KCNJ8: variants seen among roughly 807,000 people sequenced by gnomAD.
KCNJ8 encodes potassium inwardly rectifying channel subfamily J member 8.
In KCNJ8, 13 loss-of-function variants were observed where a neutral mutation model predicts 28.2. The ratio of observed to expected loss-of-function variants is 0.46; its 90% CI spans 0.30 to 0.73. The LOEUF (loss-of-function observed/expected upper bound fraction) is 0.73. Among genes scored for constraint, KCNJ8 ranks in the 30% least tolerant of loss-of-function variants. KCNJ8 has a pLI of 0.07. For synonymous variants in KCNJ8, 188 were observed against 195.9 expected, an observed-to-expected ratio of 0.96 and a Z score of 0.34; for missense variants, 284 against 542.6, an observed-to-expected ratio of 0.52 and a Z score of 4.73.
In KCNJ8 at chr12:21,765,333, G is replaced by A. The variant is rs1442523135; in HGVS notation, c.*390C>T. ...CTCCTATTCTATTTGCATTTCCAGA[G>A]TGATCATTAGTAACACAGCGATCTG... On this transcript the variant is annotated 3_prime_UTR_variant, in exon 3 of 3. Coordinates refer to ENST00000240662, the MANE Select transcript of KCNJ8 (RefSeq NM_004982.4). The A allele has an allele frequency of 3.2e-6, 1 of 310,552 alleles. No individual in the cohort carries two copies. Among genetic ancestry groups the A allele is most frequent in the Non-Finnish European group, 6.2e-6 (1 of 162,102 alleles). The allele number at this position is 310,552 out of a possible 1,614,324, so 19.2% of individuals were successfully genotyped here.
intron 2 of KCNJ8, among the ~76,000 whole-genome samples, chr12:21,770,301 A>G (rs962794073): frequency 6.6e-6 from 1 of 152,108 alleles, no homozygotes; most frequent in Non-Finnish European, 1.5e-5. Flanking sequence ...TTGAATTGAG[A>G]TATGTATATT....
Position 21,766,382 on chromosome 12 carries a change from G to A in KCNJ8, c.616C>T (p.Leu206=). ...TCACCCACTCGGAACATGAAGCACAGCTTGCCATTTCGGACGGCAATCACA... is the reference window on the plus strand; with the variant it reads ...TCACCCACTCGGAACATGAAGCACAACTTGCCATTTCGGACGGCAATCACA... ...HAVIAVRNGK[L]CFMFRVGDLR... is the part of the protein sequence containing the mutation. Residue 206 remains leucine (L), a synonymous_variant, in exon 3 of 3, where the codon CTG becomes TTG. Transcript: ENST00000240662. This position sits in a 1 kb window ranked among gnomAD's most constrained non-coding sequence, Gnocchi z 6.5. 1.9e-6 allele frequency: 3 copies of A among 1,614,174 alleles called. No individual in the cohort carries two copies. The highest frequency in any genetic ancestry group is 2.5e-6 in the Non-Finnish European group (3 of 1,180,040).
At position 21,765,901 on chromosome 12, in the gene KCNJ8, A is replaced by G; in HGVS notation, c.1097T>C (p.Ile366Thr). The change falls in exon 3 of 3, where the codon ATT becomes ACT. Residue 366 changes from isoleucine to threonine, a missense_variant. Physicochemically the swap from Ile to Thr is moderately conservative, Grantham distance 89 (BLOSUM62 -1). Around this residue, in one of 8 missense-constraint regions of KCNJ8, gnomAD observed 107 missense variants for 235.6 expected, o/e 0.45. Transcript: ENST00000240662. ...RELDEKPSIL[I>T]QTLQKSELSH... Reference sequence around the variant, plus strand: ...CAGTTCACTCTTTTGGAGGGTCTGAATAAGGATGGAAGGTTTCTCATCCAG... The same window carrying G: ...CAGTTCACTCTTTTGGAGGGTCTGAGTAAGGATGGAAGGTTTCTCATCCAG... 6.2e-7 allele frequency: 1 copy of G among 1,614,230 alleles called. No individual in the cohort carries two copies. Among genetic ancestry groups the G allele is most frequent in the Non-Finnish European group, 8.5e-7 (1 of 1,180,036 alleles).
At chr12:21,770,475 T>C (rs1940732820) in intron 2 of KCNJ8, among the ~76,000 whole-genome samples, 1 of 152,222 alleles carries the variant, frequency 6.6e-6, no homozygotes, top group Non-Finnish European at 1.5e-5. Context: ...ATACCTGTAA[T>C]TAATATTATA....
intron 2 of KCNJ8, among the ~76,000 whole-genome samples, chr12:21,767,149 T>A (rs1940643884): frequency 6.6e-6 from 1 of 152,210 alleles, no homozygotes; most frequent in Non-Finnish European, 1.5e-5. Context: ...TAGCTAATAC[T>A]TATTTTGTGT....
At position 21,773,751 on chromosome 12, in the gene KCNJ8, G is replaced by C. The variant is rs1394676873; in HGVS notation, c.-70-65C>G. The C allele has an allele frequency of 3.3e-6, 4 of 1,217,072 alleles. No individual in the cohort carries two copies. The East Asian group carries it at 9.3e-5, about 28-fold the overall frequency. 75.4% of individuals were successfully genotyped at this position (1,217,072 alleles called of 1,614,324 possible). ...CCCTATCCTCACCTCTTGGGTCCTT[G>C]TATTCAAGGATATGTCTGTACATGT... On this transcript the variant is annotated intron_variant, in intron 1 of 2. Coordinates refer to ENST00000240662, the MANE Select transcript of KCNJ8 (RefSeq NM_004982.4). The surrounding 1 kb of genome is among the most constrained non-coding windows in gnomAD (Gnocchi z 4.6).
chr12:21,765,799 C>G lies in KCNJ8; in HGVS notation c.1199G>C (p.Arg400Thr). Residue 400 changes from arginine (R) to threonine (T), a missense_variant, in exon 3 of 3, where the codon AGG (arginine) becomes ACG (threonine). Around this residue, in one of 8 missense-constraint regions of KCNJ8, gnomAD observed 50 missense variants for 55.9 expected, o/e 0.90. Coordinates refer to ENST00000240662, the MANE Select transcript of KCNJ8 (RefSeq NM_004982.4). ...NSMRRNNSIRRNNSSLMVPKV... is the reference protein window; with the variant it reads ...NSMRRNNSIRTNNSSLMVPKV... ...TGGTACCATGAGGGAAGAATTGTTC[C>G]TTCGGATAGAATTGTTCCTCCTCAT... The G allele has an allele frequency of 6.2e-7, 1 of 1,614,104 alleles. No individual in the cohort carries two copies. Among genetic ancestry groups the G allele is most frequent in the East Asian group, 2.2e-5 (1 of 44,880 alleles).
At chr12:21,768,867 A>G (rs1565660267) in intron 2 of KCNJ8, among the ~76,000 whole-genome samples, 1 of 152,228 alleles carries the variant, frequency 6.6e-6, no homozygotes, top group South Asian at 2.1e-4. Context: ...GCTGCAAAAG[A>G]AAAGTTTAAA....
chr12:21,770,337 T>A (rs1373919974), intron 2 of KCNJ8, among the ~76,000 whole-genome samples: 1 of 152,192 alleles, frequency 6.6e-6, no homozygotes, highest in African/African-American at 2.4e-5. Flanking sequence ...TATTACACAC[T>A]TACTAGATTA....
rs1482460942 is a variant in KCNJ8 at position 21,773,581 on chromosome 12, A to G, written c.36T>C (p.Tyr12=). 5.0e-6 allele frequency: 8 copies of G among 1,613,916 alleles called. No individual in the cohort carries two copies. The highest frequency in any genetic ancestry group is 6.8e-6 in the Non-Finnish European group (8 of 1,180,040). The change falls in exon 2 of 3, where the codon TAT becomes TAC. Residue 12 remains tyrosine, a synonymous_variant. Transcript: ENST00000240662. This position sits in a 1 kb window ranked among gnomAD's most constrained non-coding sequence, Gnocchi z 4.6. ...LARKSIIPEE[Y]VLARIAAENL... is the part of the protein sequence containing the mutation. ...TCTCTGCGGCGATGCGCGCCAGCAC[A>G]TACTCCTCCGGGATGATACTCTTTC...
rs1940637564 is a variant in KCNJ8, at chr12:21,766,891, A to T, written c.375-268T>A. Among the ~76,000 whole-genome samples, 1 of 152,194 alleles carries T rather than the reference A, an allele frequency of 6.6e-6. No homozygotes were observed. The highest frequency in any genetic ancestry group is 2.4e-5 in the African/African-American group (1 of 41,464). Reference sequence around the variant, plus strand: ...TAAGGCCTAATTCTATTAACATTCTATTAATGTTTCATAGGTCACATAGTG... The same window carrying T: ...TAAGGCCTAATTCTATTAACATTCTTTTAATGTTTCATAGGTCACATAGTG... On this transcript the variant is annotated intron_variant, in intron 2 of 2. Transcript: ENST00000240662. The surrounding 1 kb of genome is among the most constrained non-coding windows in gnomAD (Gnocchi z 6.5).
Position 21,773,551 on chromosome 12 carries a change from C to A in KCNJ8, c.66G>T (p.Leu22=), listed in dbSNP as rs770628869. The change falls in exon 2 of 3, where the codon CTG becomes CTT. Residue 22 remains leucine, a synonymous_variant. Transcript: ENST00000240662. This position sits in a 1 kb window ranked among gnomAD's most constrained non-coding sequence, Gnocchi z 4.6. ...YVLARIAAEN[L]RKPRIRDRLP... ...GGCGGTCTCGGATGCGCGGCTTGCG[C>A]AGGTTCTCTGCGGCGATGCGCGCCA... 5.6e-6 allele frequency: 9 copies of A among 1,614,096 alleles called. No individual in the cohort carries two copies. The East Asian group carries it at 2.0e-4, about 36-fold the overall frequency.
chr12:21,771,174 A>G (rs956788794), intron 2 of KCNJ8, among the ~76,000 whole-genome samples: 1 of 152,222 alleles, frequency 6.6e-6, no homozygotes, highest in African/African-American at 2.4e-5. Flanking sequence ...CTGATTTCTG[A>G]TAATGTATCC....
In KCNJ8 at chr12:21,769,538, TCA is replaced by T. The variant is rs1214939581; in HGVS notation, c.375-2917_375-2916del. 2.6e-3 allele frequency among the ~76,000 whole-genome samples: 401 copies of T among 152,268 alleles called. 2 individuals carry two copies. Among genetic ancestry groups the T allele is most frequent in the African/African-American group, 8.9e-3 (368 of 41,552 alleles). ...GCCTATTACTTAAGAAATTTACATTTCATAAGGCTATTGCTGACATAGATAGT... is the reference window on the plus strand; with the variant it reads ...GCCTATTACTTAAGAAATTTACATTTTAAGGCTATTGCTGACATAGATAGT... On this transcript the variant is annotated intron_variant, in intron 2 of 2. Coordinates refer to ENST00000240662, the MANE Select transcript of KCNJ8 (RefSeq NM_004982.4).
chr12:21,765,418 G>T lies in KCNJ8; in HGVS notation c.*305C>A, dbSNP rs1244564961. ...TTCTTGACCAAATTTTGTGCTCAAG[G>T]CCTGTTACTATTAGTGTAATTCTTG... On this transcript the variant is annotated 3_prime_UTR_variant, in exon 3 of 3. Transcript: ENST00000240662. 7.1e-6 allele frequency: 3 copies of T among 421,356 alleles called. No individual in the cohort carries two copies. The highest frequency in any genetic ancestry group is 2.3e-5 in the South Asian group (1 of 42,836). 26.1% of individuals were successfully genotyped at this position (421,356 alleles called of 1,614,324 possible).
In KCNJ8 at chr12:21,765,797, T is replaced by G; in HGVS notation, c.1201A>C (p.Asn401His). Residue 401 changes from asparagine (N) to histidine (H), a missense_variant, in exon 3 of 3, where the codon AAC (asparagine) becomes CAC (histidine). By Grantham distance (68) the Asn-to-His change is moderately conservative. This residue lies in a region of KCNJ8 where 50 missense variants were observed against 55.9 expected (regional missense o/e 0.90). Coordinates refer to ENST00000240662, the MANE Select transcript of KCNJ8 (RefSeq NM_004982.4). ...TTTGGTACCATGAGGGAAGAATTGT[T>G]CCTTCGGATAGAATTGTTCCTCCTC... is the stretch of plus-strand genomic sequence containing the variant. ...SMRRNNSIRR[N>H]NSSLMVPKVQ... 1.2e-6 allele frequency: 2 copies of G among 1,614,124 alleles called. No individual in the cohort carries two copies. Among genetic ancestry groups the G allele is most frequent in the African/African-American group, 2.7e-5 (2 of 75,068 alleles).
At chr12:21,774,235 T>C (rs1940833974) in intron 1 of KCNJ8, among the ~76,000 whole-genome samples, 1 of 152,102 alleles carries the variant, frequency 6.6e-6, no homozygotes, top group South Asian at 2.1e-4. Flanking sequence ...AATTTATAAG[T>C]TATAAGAATT....
intron 2 of KCNJ8, among the ~76,000 whole-genome samples, chr12:21,772,384 GA>G (rs1379341368): frequency 1.3e-5 from 2 of 151,612 alleles, no homozygotes; most frequent in African/African-American, 2.4e-5. Context: ...ACCTCCCCCC[GA>G]AAAAAACAAA....
intron 2 of KCNJ8, among the ~76,000 whole-genome samples, chr12:21,767,606 C>T (rs942265875): frequency 1.3e-5 from 2 of 152,074 alleles, no homozygotes; most frequent in African/African-American, 2.4e-5. Context: ...GAAAAATTGG[C>T]GTTCCGCAAA....
Sources: allele counts gnomAD v4.1 joint callset (sites outside exome capture counted in the v4.1 genomes callset), GRCh38; gene constraint gnomAD v4.1.1; regional missense constraint gnomAD v4.1.1; non-coding constraint Gnocchi (gnomAD v3.1); transcripts MANE v1.5; gene names NCBI Gene and HGNC (gene_info 2026-07-23, HGNC 2026-07-21).